DCC: variants seen among roughly 807,000 people sequenced by gnomAD.
DCC encodes the protein netrin receptor DCC.
In DCC, 58 loss-of-function variants were observed where a neutral mutation model predicts 172.5. The observed-to-expected ratio is 0.34, with a 90% CI of 0.27 to 0.42. The LOEUF is 0.42. Among genes scored for constraint, DCC ranks in the 10% least tolerant of loss-of-function variants. DCC has a pLI of 1.00. For synonymous variants in DCC, 709 were observed against 644.5 expected (o/e 1.10, Z -1.52); for missense variants, 1,740 against 1,791.0 (o/e 0.97, Z 0.51).
intron 7 of DCC, among the ~76,000 whole-genome samples, chr18:53,105,436 G>GT (rs2043231105): frequency 1.3e-5 from 2 of 152,018 alleles, no homozygotes; most frequent in South Asian, 4.2e-4. Flanking sequence ...TACAAACATT[G>GT]TTTTTCTCTC....
At chr18:53,049,787 G>GTAC in intron 5 of DCC, among the ~76,000 whole-genome samples, 1 of 152,120 alleles carries the variant, frequency 6.6e-6, no homozygotes, top group African/African-American at 2.4e-5. Context: ...TTTGCGCAAT[G>GTAC]TACTAGTCAG....
chr18:52,504,769 C>T, intron 1 of DCC, among the ~76,000 whole-genome samples: 1 of 151,960 alleles, frequency 6.6e-6, no homozygotes, highest in East Asian at 1.9e-4. Flanking sequence ...TTGTGCCGCC[C>T]CTCCCCCCGG....
chr18:53,447,893 C>T (rs559596776), intron 22 of DCC, among the ~76,000 whole-genome samples: 8 of 152,034 alleles, frequency 5.3e-5, no homozygotes, highest in African/African-American at 1.9e-4. Flanking sequence ...CAAGGAAATC[C>T]TATTTCTTTC....
At chr18:52,982,677 C>T (rs1450715906) in intron 5 of DCC, among the ~76,000 whole-genome samples, 1 of 152,028 alleles carries the variant, frequency 6.6e-6, no homozygotes, top group Non-Finnish European at 1.5e-5. Flanking sequence ...GAGATATTGC[C>T]AGATGTCCCC....
intron 22 of DCC, among the ~76,000 whole-genome samples, chr18:53,439,787 C>CG (rs1444905413): frequency 1.8e-5 from 1 of 54,912 alleles, no homozygotes; most frequent in African/African-American, 3.9e-5. Context: ...TTTTTTGAGA[C>CG]GGAGTCTCGC....
At chr18:53,067,356 A>G (rs1373935386) in intron 7 of DCC, among the ~76,000 whole-genome samples, 1 of 151,970 alleles carries the variant, frequency 6.6e-6, no homozygotes, top group African/African-American at 2.4e-5. Flanking sequence ...CTTTGTCTCT[A>G]CTGAAAATAA....
chr18:52,433,701 T>C (rs1020162259), intron 1 of DCC, among the ~76,000 whole-genome samples: 1 of 152,224 alleles, frequency 6.6e-6, no homozygotes, highest in African/African-American at 2.4e-5. Context: ...ATCTATTCTT[T>C]AAATGTAACT....
chr18:52,473,513 G>T (rs1039740191), intron 1 of DCC, among the ~76,000 whole-genome samples: 4 of 152,134 alleles, frequency 2.6e-5, no homozygotes, highest in African/African-American at 9.7e-5. Flanking sequence ...CTGCAGGTCT[G>T]GGGAGGCCTC....
At chr18:52,449,058 T>C (rs1463854782) in intron 1 of DCC, among the ~76,000 whole-genome samples, 1 of 152,196 alleles carries the variant, frequency 6.6e-6, no homozygotes, top group Non-Finnish European at 1.5e-5. Flanking sequence ...CTCACAATCA[T>C]GCCAGAAGGC....
intron 2 of DCC, among the ~76,000 whole-genome samples, chr18:52,796,863 A>C (rs1331059740): frequency 6.6e-6 from 1 of 152,146 alleles, no homozygotes; most frequent in East Asian, 1.9e-4. Flanking sequence ...ATGTTTTTCA[A>C]GACTTGGGAA....
intron 14 of DCC, among the ~76,000 whole-genome samples, chr18:53,332,907 T>A (rs1174868511): frequency 6.6e-6 from 1 of 151,960 alleles, no homozygotes; most frequent in Non-Finnish European, 1.5e-5. Context: ...TCTACAAAAA[T>A]TTTCTTTTAA....
chr18:52,562,956 G>A (rs1188746588), intron 1 of DCC, among the ~76,000 whole-genome samples: 3 of 151,988 alleles, frequency 2.0e-5, no homozygotes, highest in African/African-American at 7.2e-5. Context: ...AACAACAGCA[G>A]AAAAATTGAC....
chr18:52,986,967 C>T (rs3924663), intron 5 of DCC, among the ~76,000 whole-genome samples: 21 of 152,136 alleles, frequency 1.4e-4, no homozygotes, highest in Admixed American at 2.0e-4. Context: ...GGATTACAGG[C>T]GCACACCACT....
intron 7 of DCC, among the ~76,000 whole-genome samples, chr18:53,084,009 T>A (rs540038249): frequency 5.9e-4 from 90 of 152,084 alleles, no homozygotes; most frequent in Middle Eastern, 3.4e-3. Context: ...TGTAAGGGAG[T>A]AGTGTCTTAG....
At chr18:52,791,138 C>T (rs2037758900) in intron 2 of DCC, among the ~76,000 whole-genome samples, 1 of 152,126 alleles carries the variant, frequency 6.6e-6, no homozygotes. Flanking sequence ...AAATGGTTCC[C>T]CCAGGAGTTG....
chr18:52,787,691 T>C (rs1390791328), intron 2 of DCC, among the ~76,000 whole-genome samples: 1 of 152,104 alleles, frequency 6.6e-6, no homozygotes, highest in Non-Finnish European at 1.5e-5. Flanking sequence ...TCAGGGAAGA[T>C]AATTTGGATA....
chr18:52,776,371 C>T (rs1380039251), intron 2 of DCC, among the ~76,000 whole-genome samples: 1 of 150,568 alleles, frequency 6.6e-6, no homozygotes, highest in Non-Finnish European at 1.5e-5. Flanking sequence ...TTGTTAAGAA[C>T]TTAGATATTT....
intron 12 of DCC, among the ~76,000 whole-genome samples, chr18:53,299,952 G>A (rs1002273461): frequency 6.6e-6 from 1 of 152,168 alleles, no homozygotes; most frequent in African/African-American, 2.4e-5. Flanking sequence ...AGAGTGCTTA[G>A]ACCATTGCCA....
chr18:53,076,532 T>C (rs766249969), intron 7 of DCC, among the ~76,000 whole-genome samples: 8 of 152,208 alleles, frequency 5.3e-5, no homozygotes, highest in Non-Finnish European at 1.2e-4. Flanking sequence ...ATAGGATTAG[T>C]AGATCCCGTG....
Sources: allele counts gnomAD v4.1 joint callset (sites outside exome capture counted in the v4.1 genomes callset), GRCh38; gene constraint gnomAD v4.1.1; transcripts MANE v1.5; gene names NCBI Gene and HGNC (gene_info 2026-07-23, HGNC 2026-07-21).